PREP: variants seen among roughly 807,000 people sequenced by gnomAD.
PREP encodes the protein prolyl endopeptidase.
A neutral mutation model predicts 87.6 loss-of-function variants in PREP; 29 were observed. The ratio of observed to expected loss-of-function variants is 0.33; its 90% CI spans 0.25 to 0.45. PREP has a LOEUF of 0.45. Ranked by LOEUF, PREP falls within the 20% of genes least tolerant of loss-of-function variation. The pLI, the probability that PREP is intolerant of heterozygous loss-of-function variation, is 1.00. For missense variants in PREP, 695 were observed against 886.5 expected, an observed-to-expected ratio of 0.78 and a Z score of 2.74; for synonymous variants, 337 against 328.6, an observed-to-expected ratio of 1.03 and a Z score of -0.28.
intron 10 of PREP, among the ~76,000 whole-genome samples, chr6:105,290,533 C>T (rs991212963): frequency 3.9e-5 from 6 of 152,202 alleles, no homozygotes; most frequent in African/African-American, 1.4e-4. Context: ...GTACCCTGAT[C>T]TTCATGCAGC....
At chr6:105,294,872 T>G (rs1240858163) in intron 10 of PREP, among the ~76,000 whole-genome samples, 1 of 152,234 alleles carries the variant, frequency 6.6e-6, no homozygotes, top group African/African-American at 2.4e-5. Context: ...CTTTATATTC[T>G]CTCAGGCTGT....
intron 2 of PREP, among the ~76,000 whole-genome samples, chr6:105,387,787 T>C (rs10871983): frequency 0.29 from 44,641 of 152,160 alleles, 8,461 homozygotes; most frequent in African/African-American, 0.54. Context: ...TGCTACAAGA[T>C]GTGGCTTGGC....
intron 14 of PREP, among the ~76,000 whole-genome samples, chr6:105,279,811 A>AAATT (rs769410611): frequency 6.6e-6 from 1 of 152,260 alleles, no homozygotes; most frequent in Non-Finnish European, 1.5e-5. Context: ...CTTTGTTTTT[A>AAATT]AATTAAGTTT....
chr6:105,373,638 T>C (rs530276938), intron 4 of PREP, 60 bp from the exon 5 acceptor site: 2 of 1,445,004 alleles, frequency 1.4e-6, no homozygotes, highest in South Asian at 2.4e-5. Context: ...CACGGTCCTT[T>C]ATGCCATCTA....
At chr6:105,341,397 G>A (rs970090653) in intron 7 of PREP, among the ~76,000 whole-genome samples, 3 of 152,186 alleles carry the variant, frequency 2.0e-5, no homozygotes, top group African/African-American at 7.2e-5. Flanking sequence ...AGTGTTTAGA[G>A]GGAAATGTAC....
At chr6:105,340,464 T>C (rs1194952621) in intron 7 of PREP, among the ~76,000 whole-genome samples, 2 of 152,064 alleles carry the variant, frequency 1.3e-5, no homozygotes, top group African/African-American at 4.8e-5. Flanking sequence ...ATCATTGATA[T>C]TAGGAAGAAA....
chr6:105,305,844 C>CTTTTTT (rs35115122), intron 10 of PREP, among the ~76,000 whole-genome samples: 2 of 145,730 alleles, frequency 1.4e-5, no homozygotes, highest in Non-Finnish European at 1.5e-5. Flanking sequence ...ATATCCTTTT[C>CTTTTTT]TTTTTTTTTT....
At chr6:105,386,314 G>C (rs1354912164) in intron 2 of PREP, among the ~76,000 whole-genome samples, 1 of 152,132 alleles carries the variant, frequency 6.6e-6, no homozygotes, top group Non-Finnish European at 1.5e-5. Context: ...AGAAAAGTCT[G>C]GAAGAAAAGA....
chr6:105,392,678 G>A (rs1773184121), intron 2 of PREP, among the ~76,000 whole-genome samples: 1 of 152,180 alleles, frequency 6.6e-6, no homozygotes, highest in East Asian at 1.9e-4. Flanking sequence ...CTGGGTTCAA[G>A]CGATTCTCCT....
At chr6:105,341,467 A>G (rs2114669477) in intron 7 of PREP, among the ~76,000 whole-genome samples, 1 of 152,342 alleles carries the variant, frequency 6.6e-6, no homozygotes, top group East Asian at 1.9e-4. Flanking sequence ...CTAACATCAC[A>G]ATTAAAAGAA....
chr6:105,319,027 T>C (rs924152445), intron 10 of PREP, among the ~76,000 whole-genome samples: 6 of 151,910 alleles, frequency 3.9e-5, no homozygotes, highest in Non-Finnish European at 8.8e-5. Flanking sequence ...ATTAGAAAAA[T>C]CTGAATTAAA....
intron 7 of PREP, among the ~76,000 whole-genome samples, chr6:105,340,244 T>C (rs938465959): frequency 1.3e-5 from 2 of 152,162 alleles, no homozygotes; most frequent in African/African-American, 2.4e-5. Context: ...TATTCAACAT[T>C]CTTAAAGAAA....
chr6:105,338,489 G>A (rs532492505), intron 7 of PREP, among the ~76,000 whole-genome samples: 53 of 152,320 alleles, frequency 3.5e-4, no homozygotes, highest in South Asian at 2.9e-3. Context: ...CACAGAAGAC[G>A]GGTGATTTCT....
At chr6:105,398,743 T>C (rs1773348886) in intron 1 of PREP, among the ~76,000 whole-genome samples, 1 of 152,102 alleles carries the variant, frequency 6.6e-6, no homozygotes, top group South Asian at 2.1e-4. Context: ...ACTCCTCAAG[T>C]GATTATGCCA....
chr6:105,349,898 T>TAAAAAAAAAAAAAAAAAA (rs1162063177), intron 7 of PREP, among the ~76,000 whole-genome samples: 7 of 59,442 alleles, frequency 1.2e-4, no homozygotes, highest in East Asian at 4.6e-4. Context: ...GGGAAGCAGG[T>TAAAAAAAAAAAAAAAAAA]AAAAAAAAAA....
At chr6:105,349,635 T>A (rs886320055) in intron 7 of PREP, among the ~76,000 whole-genome samples, 1 of 151,956 alleles carries the variant, frequency 6.6e-6, no homozygotes, top group Non-Finnish European at 1.5e-5. Context: ...AATAATTAAT[T>A]TATACAAAAA....
At chr6:105,372,028 G>A (rs1431751177) in intron 5 of PREP, among the ~76,000 whole-genome samples, 1 of 152,112 alleles carries the variant, frequency 6.6e-6, no homozygotes, top group Non-Finnish European at 1.5e-5. Flanking sequence ...CGTTTCCAGA[G>A]CGCAGACATC....
Position 105,353,023 on chromosome 6 carries a change from C to A in PREP, c.772G>T (p.Val258Leu). The A allele has an allele frequency of 6.2e-7, 1 of 1,614,088 alleles. No homozygotes were observed. Among genetic ancestry groups the A allele is most frequent in the Non-Finnish European group, 8.5e-7 (1 of 1,180,010 alleles). Residue 258 changes from valine (V) to leucine (L), a missense_variant, in exon 7 of 15, where the codon GTA becomes TTA. Val to Leu is a conservative substitution (Grantham distance 32). Transcript: ENST00000652536. ...LLSIREGCDPVNRLWYCDLQQ... is the reference protein window; with the variant it reads ...LLSIREGCDPLNRLWYCDLQQ... ...AGGTCACAGTACCAGAGTCGGTTTA[C>A]TGGATCACATCCTTCCCTTATTGAT...
chr6:105,321,601 A>T (rs933349315), intron 10 of PREP, among the ~76,000 whole-genome samples: 8 of 152,202 alleles, frequency 5.3e-5, no homozygotes, highest in African/African-American at 1.9e-4. Context: ...ATCTATAAAG[A>T]ATATTACCAT....
Sources: gnomAD v4.1 joint callset for allele counts (sites outside exome capture counted in the v4.1 genomes callset) on GRCh38, gnomAD v4.1.1 for gene constraint, MANE v1.5 for transcripts, NCBI Gene and HGNC (gene_info 2026-07-23, HGNC 2026-07-21) for gene names.